The following LDLRAD1 variants were observed in gnomAD, a reference collection of about 807,000 sequenced individuals.
LDLRAD1 encodes the protein low density lipoprotein receptor class A domain containing 1.
Under a neutral mutation model 24.8 loss-of-function variants are expected in LDLRAD1, and 17 were observed. That is an observed-to-expected ratio of 0.69 (90% CI 0.47 to 1.03). The LOEUF (loss-of-function observed/expected upper bound fraction) is 1.03, where lower values mean the gene tolerates loss of function less well. Ranked by LOEUF, LDLRAD1 falls within the 50% of genes least tolerant of loss-of-function variation. The pLI is 0.00. For missense variants in LDLRAD1, 277 were observed against 271.0 expected (o/e 1.02, Z -0.16); for synonymous variants, 103 against 108.2 (o/e 0.95, Z 0.30).
At chr1:54,017,980 C>A in intron 1 of LDLRAD1, 112 bp downstream of exon 1, 1 of 1,002,892 alleles carries the variant, frequency 1.0e-6, no homozygotes, top group Non-Finnish European at 1.6e-6. Context: ...TACCTGGGGA[C>A]AGCTCTTACT....
intron 4 of LDLRAD1, 61 bp downstream of exon 4, chr1:54,012,082 T>A (rs1343034776): frequency 1.3e-6 from 2 of 1,597,330 alleles, no homozygotes; most frequent in Non-Finnish European, 1.7e-6. Context: ...TCAGTATGGA[T>A]GCCAAGAGCA....
chr1:54,015,252 G>A (rs1656254314), intron 2 of LDLRAD1, among the ~76,000 whole-genome samples: 1 of 152,080 alleles, frequency 6.6e-6, no homozygotes, highest in South Asian at 2.1e-4. Flanking sequence ...CAACAGGCGT[G>A]CACCACTGTG....
intron 2 of LDLRAD1, among the ~76,000 whole-genome samples, chr1:54,014,678 T>A (rs1445258909): frequency 1.3e-5 from 2 of 149,000 alleles, no homozygotes; most frequent in Admixed American, 6.6e-5. Flanking sequence ...GACGCCTGCA[T>A]GTCCAGCCCC....
intron 3 of LDLRAD1, among the ~76,000 whole-genome samples, chr1:54,013,353 G>A (rs1198935302): frequency 2.0e-5 from 3 of 152,070 alleles, no homozygotes; most frequent in Non-Finnish European, 4.4e-5. Flanking sequence ...GGGGAGCGCT[G>A]CGAATCTCAG....
Position 54,009,038 on chromosome 1 carries a change from C to T in LDLRAD1, c.562G>A (p.Asp188Asn), listed in dbSNP as rs544114152. The change falls in exon 6 of 6, where the codon GAC becomes AAC. Residue 188 changes from aspartate (D) to asparagine (N), a missense_variant. Transcript: ENST00000371360. ...CAGTCGGAGCAGTGCTGTACATGGT[C>T]GCGGCAGAGATGCCTCGGTATACAG... ...CDCIPRHLCR[D>N]HVQHCSDWSD... 5.3e-5 allele frequency: 86 copies of T among 1,614,032 alleles called. No homozygotes were observed. The highest frequency in any genetic ancestry group is 6.9e-5 in the Non-Finnish European group (81 of 1,180,008).
At chr1:54,015,663 G>GT (rs1553165325) in intron 2 of LDLRAD1, among the ~76,000 whole-genome samples, 45 of 91,010 alleles carry the variant, frequency 4.9e-4, no homozygotes, top group East Asian at 3.9e-3. Flanking sequence ...TGTTTTTTTT[G>GT]TTTTTTTTTT....
At chr1:54,009,224 C>T in intron 5 of LDLRAD1, 94 bp from the exon 6 acceptor site, 1 of 1,173,054 alleles carries the variant, frequency 8.5e-7, no homozygotes, top group Non-Finnish European at 1.2e-6. Context: ...TGCCGTAGCT[C>T]CCCATGGCCC....
intron 3 of LDLRAD1, 30 bp downstream of exon 3, chr1:54,014,206 T>C (rs1162798649): frequency 6.4e-7 from 1 of 1,569,216 alleles, no homozygotes; most frequent in Non-Finnish European, 8.6e-7. Flanking sequence ...CCCCGCCGGG[T>C]CTGACCCACC....
In LDLRAD1 at chr1:54,008,902, GTGC is replaced by G; in HGVS notation, c.*77_*79del. ...ATTTCAAAGGCTGCTTCCTGCCCTT[GTGC>G]GCTAGGATTTGATTTTCATGTGAAG... On this transcript the variant is annotated 3_prime_UTR_variant, in exon 6 of 6. Coordinates refer to ENST00000371360, the MANE Select transcript of LDLRAD1 (RefSeq NM_001010978.4). The G allele has an allele frequency of 7.4e-7, 1 of 1,356,490 alleles. No individual in the cohort carries two copies. Among genetic ancestry groups the G allele is most frequent in the Non-Finnish European group, 1.0e-6 (1 of 984,582 alleles). The allele number at this position is 1,356,490 out of a possible 1,614,324, so 84.0% of individuals were successfully genotyped here. A position where few individuals can be genotyped will look rare whatever the true frequency, so the allele number is the denominator to read the frequency against.
rs1241956682 is a variant in LDLRAD1 at position 54,017,397 on chromosome 1, T to TGG, written c.50_51dup (p.Lys18ProfsTer57). Reference sequence around the variant, plus strand: ...TTACCTTCCCCTCCAGGGTGGGCTTTGGATTCAGCAGCAGTGTAGCCATTC... The same window carrying TGG: ...TTACCTTCCCCTCCAGGGTGGGCTTTGGGGATTCAGCAGCAGTGTAGCCATTC... On this transcript the variant is annotated frameshift_variant, in exon 2 of 6. Coordinates refer to ENST00000371360, the MANE Select transcript of LDLRAD1 (RefSeq NM_001010978.4). LOFTEE classifies it high-confidence loss of function. 8 of 1,603,834 alleles carry TGG rather than the reference T, an allele frequency of 5.0e-6. No individual in the cohort carries two copies. Among genetic ancestry groups the TGG allele is most frequent in the Middle Eastern group, 1.6e-4 (1 of 6,066 alleles).
In LDLRAD1 at chr1:54,013,137, C is replaced by T. The variant is rs1656133005; in HGVS notation, c.203-857G>A. Among the ~76,000 whole-genome samples the T allele has an allele frequency of 2.0e-5, 3 of 152,078 alleles. No homozygotes were observed. The South Asian group carries it at 6.2e-4, about 31-fold the overall frequency. On this transcript the variant is annotated intron_variant, in intron 3 of 5. Transcript: ENST00000371360. The stretch of plus-strand genomic sequence containing the variant: ...AGATGCACACACACATGAACACATG[C>T]TCACACACACACTGCTGCACCTATG...
chr1:54,010,242 T>C (rs1655988616), intron 5 of LDLRAD1, 40 bp downstream of exon 5: 1 of 1,610,330 alleles, frequency 6.2e-7, no homozygotes, highest in Non-Finnish European at 8.5e-7. Context: ...GGCTGCTGCC[T>C]GGACACCAGC....
intron 2 of LDLRAD1, among the ~76,000 whole-genome samples, chr1:54,015,663 G>T (rs7540668): frequency 0.37 from 33,241 of 90,354 alleles, 6,067 homozygotes; most frequent in African/African-American, 0.57. Flanking sequence ...TGTTTTTTTT[G>T]TTTTTTTTTT....
intron 2 of LDLRAD1, among the ~76,000 whole-genome samples, chr1:54,014,748 C>T (rs76721420): frequency 4.6e-5 from 7 of 152,300 alleles, no homozygotes; most frequent in East Asian, 1.9e-4. Flanking sequence ...TTCAAAACAA[C>T]CTTTTATTTT....
At chr1:54,018,046 G>T (rs1656387262) in intron 1 of LDLRAD1, 46 bp downstream of exon 1, 1 of 1,520,970 alleles carries the variant, frequency 6.6e-7, no homozygotes, top group Non-Finnish European at 9.1e-7. Context: ...CTCACTTGGG[G>T]ACAGCTCTTA....
At chr1:54,014,140 G>A in intron 3 of LDLRAD1, 96 bp downstream of exon 3, 1 of 1,436,140 alleles carries the variant, frequency 7.0e-7, no homozygotes, top group Non-Finnish European at 9.4e-7. Flanking sequence ...AAGTCACCTG[G>A]TGGAGAAGCC....
chr1:54,009,278 G>A (rs1569882784), intron 5 of LDLRAD1, 148 bp from the exon 6 acceptor site: 2 of 702,512 alleles, frequency 2.8e-6, no homozygotes, highest in African/African-American at 1.8e-5. Flanking sequence ...GTTTTCCTGC[G>A]GCAGAGAGAA....
Position 54,009,039 on chromosome 1 carries a change from G to A in LDLRAD1, c.561C>T (p.Arg187=), listed in dbSNP as rs200922809. 8.7e-6 allele frequency: 14 copies of A among 1,613,952 alleles called. No individual in the cohort carries two copies. Among genetic ancestry groups the A allele is most frequent in the South Asian group, 2.2e-5 (2 of 91,082 alleles). ...AGTCGGAGCAGTGCTGTACATGGTCGCGGCAGAGATGCCTCGGTATACAGT... is the reference window on the plus strand; with the variant it reads ...AGTCGGAGCAGTGCTGTACATGGTCACGGCAGAGATGCCTCGGTATACAGT... ...YCDCIPRHLC[R]DHVQHCSDWS... The change falls in exon 6 of 6, where the codon CGC becomes CGT. Residue 187 remains arginine (R), a synonymous_variant. Coordinates refer to ENST00000371360, the MANE Select transcript of LDLRAD1 (RefSeq NM_001010978.4).
At position 54,012,151 on chromosome 1, in the gene LDLRAD1, C is replaced by A. The variant is rs778314917; in HGVS notation, c.332G>T (p.Ser111Ile). Residue 111 changes from serine to isoleucine, a missense_variant, in exon 4 of 6, where the codon AGC becomes ATC. Coordinates refer to ENST00000371360, the MANE Select transcript of LDLRAD1 (RefSeq NM_001010978.4). ...ACCGAGCGGGTACTCACGGCACAAGCTCTCATCCTCGTCCTCGCCGTGGGT... is the reference window on the plus strand; with the variant it reads ...ACCGAGCGGGTACTCACGGCACAAGATCTCATCCTCGTCCTCGCCGTGGGT... ...TCTHGEDEDE[S>I]LCRDVPQSLP... 2 of 1,613,956 alleles carry A rather than the reference C, an allele frequency of 1.2e-6. No individual in the cohort carries two copies. Among genetic ancestry groups the A allele is most frequent in the South Asian group, 2.2e-5 (2 of 91,088 alleles).
Sources: allele counts gnomAD v4.1 joint callset (sites outside exome capture counted in the v4.1 genomes callset), GRCh38; gene constraint gnomAD v4.1.1; transcripts MANE v1.5; gene names NCBI Gene and HGNC (gene_info 2026-07-23, HGNC 2026-07-21).